C4orf36: variants seen among roughly 807,000 people sequenced by gnomAD.
C4orf36 encodes the protein uncharacterized protein C4orf36.
C4orf36 carries 11 observed loss-of-function variants against 12.2 expected under a neutral mutation model. The ratio of observed to expected loss-of-function variants is 0.90; its 90% confidence interval spans 0.57 to 1.49. The LOEUF (loss-of-function observed/expected upper bound fraction) is 1.49. Among genes scored for constraint, C4orf36 ranks in the 40% most tolerant of loss-of-function variants. The pLI, the probability that C4orf36 is intolerant of heterozygous loss-of-function variation, is 0.00. For synonymous variants in C4orf36, 54 were observed against 51.3 expected (o/e 1.05, Z -0.22); for missense variants, 137 against 133.9 (o/e 1.02, Z -0.11).
chr4:86,929,678 A>C, the C4orf36 span, among the ~76,000 whole-genome samples: 9,689 of 152,274 alleles, frequency 0.064, 421 homozygotes, highest in Non-Finnish European at 0.089. Flanking sequence ...CTCTGAGAAC[A>C]AGGTTATTCT....
chr4:86,891,516 G>A lies in C4orf36; in HGVS notation c.5C>T (p.Ala2Val), dbSNP rs569449132. The A allele has an allele frequency of 4.0e-5, 64 of 1,613,788 alleles. 1 individual carries two copies. The East Asian group carries it at 1.3e-3, about 32-fold the overall frequency. Residue 2 changes from alanine (A) to valine (V), a missense_variant, in exon 2 of 5, where the codon GCG becomes GTG. Ala to Val is a moderately conservative substitution (Grantham distance 64, BLOSUM62 0). Transcript: ENST00000295898. M[A>V]YGVPRKNTVK... ...TGTGTTCTTTCTTGGCACTCCATAC[G>A]CCATGGTGAGTTATTACGGTATGAT... is the stretch of plus-strand genomic sequence containing the variant.
chr4:86,887,919 T>G (rs754556415), intron 3 of C4orf36, 26 bp from the exon 4 acceptor site: 1 of 1,613,128 alleles, frequency 6.2e-7, no homozygotes, highest in African/African-American at 1.3e-5. Flanking sequence ...CACAAAACAA[T>G]CTGACATACA....
intron 4 of C4orf36, 56 bp downstream of exon 4, chr4:86,887,702 G>A: frequency 6.2e-7 from 1 of 1,605,536 alleles, no homozygotes; most frequent in Non-Finnish European, 8.5e-7. Context: ...AAGGTCCAGA[G>A]ACCTTCATGC....
the C4orf36 span, among the ~76,000 whole-genome samples, chr4:86,900,820 G>A: frequency 6.6e-6 from 1 of 152,102 alleles, no homozygotes; most frequent in Non-Finnish European, 1.5e-5. Flanking sequence ...AAACTGCCTG[G>A]GTTTGGATCC....
chr4:86,884,073 C>A (rs1291682676), intron 4 of C4orf36, among the ~76,000 whole-genome samples: 2 of 152,030 alleles, frequency 1.3e-5, no homozygotes, highest in African/African-American at 4.8e-5. Context: ...TCAAATGTAA[C>A]ATTAATATCC....
chr4:86,880,855 A>G (rs1450441453), intron 4 of C4orf36, among the ~76,000 whole-genome samples: 1 of 152,178 alleles, frequency 6.6e-6, no homozygotes, highest in Non-Finnish European at 1.5e-5. Flanking sequence ...AAGGCTGGTC[A>G]ACATGGCAAA....
chr4:86,928,974 A>G, the C4orf36 span, among the ~76,000 whole-genome samples: 6 of 151,772 alleles, frequency 4.0e-5, no homozygotes, highest in African/African-American at 1.5e-4. Flanking sequence ...CTCTGCCAGG[A>G]TGCCTTCCCC....
the C4orf36 span, chr4:86,914,186 C>T: frequency 6.3e-7 from 1 of 1,592,042 alleles, no homozygotes; most frequent in Non-Finnish European, 8.6e-7. Flanking sequence ...GGGACTACTT[C>T]ACAAAAGTAG....
the C4orf36 span, among the ~76,000 whole-genome samples, chr4:86,921,887 G>C: frequency 6.6e-6 from 1 of 152,090 alleles, no homozygotes; most frequent in Non-Finnish European, 1.5e-5. Context: ...CTTTCTGTCT[G>C]TATGAATCTG....
At chr4:86,911,598 C>T in the C4orf36 span, among the ~76,000 whole-genome samples, 2 of 152,172 alleles carry the variant, frequency 1.3e-5, no homozygotes, top group Admixed American at 6.5e-5. Flanking sequence ...CTGCAGCATG[C>T]CTTCCTGGTG....
At chr4:86,885,101 C>A (rs538339730) in intron 4 of C4orf36, among the ~76,000 whole-genome samples, 416 of 152,230 alleles carry the variant, frequency 2.7e-3, no homozygotes, top group Non-Finnish European at 4.8e-3. Context: ...GTTACTGTAG[C>A]CTTGTAGTAT....
chr4:86,887,850 T>A lies in C4orf36; in HGVS notation c.264A>T (p.Lys88Asn). Residue 88 changes from lysine to asparagine, a missense_variant, in exon 4 of 5, where the codon AAA becomes AAT. Coordinates refer to ENST00000295898, the MANE Select transcript of C4orf36 (RefSeq NM_144645.4). ...TAGATGTATTTTCTTGACACTTCAG[T>A]TTACAAAGACGCTTCACTTCATACT... ...EREYEVKRLC[K>N]LKCQENTSKE... 8 of 1,614,180 alleles carry A rather than the reference T, an allele frequency of 5.0e-6. No homozygotes were observed. Among genetic ancestry groups the A allele is most frequent in the South Asian group, 1.1e-5 (1 of 91,074 alleles).
At chr4:86,922,611 G>C in the C4orf36 span, among the ~76,000 whole-genome samples, 8 of 152,140 alleles carry the variant, frequency 5.3e-5, no homozygotes, top group Admixed American at 3.9e-4. Context: ...GCCCTTCCTA[G>C]ATCTCCTTGT....
At chr4:86,898,429 G>A in the C4orf36 span, among the ~76,000 whole-genome samples, 6 of 152,136 alleles carry the variant, frequency 3.9e-5, no homozygotes, top group East Asian at 1.2e-3. Context: ...CAGGTGCTGG[G>A]GCTCACACCT....
chr4:86,904,241 C>T, the C4orf36 span, among the ~76,000 whole-genome samples: 1 of 152,232 alleles, frequency 6.6e-6, no homozygotes, highest in Non-Finnish European at 1.5e-5. Context: ...CCGGAACCCG[C>T]GCCGGCTAGC....
chr4:86,883,340 A>T (rs1414039685), intron 4 of C4orf36, among the ~76,000 whole-genome samples: 1 of 152,238 alleles, frequency 6.6e-6, no homozygotes, highest in Admixed American at 6.5e-5. Flanking sequence ...AATTCAGGTC[A>T]GATAGTTTGG....
At chr4:86,889,351 CAAAAAAAA>C (rs11357505) in intron 2 of C4orf36, among the ~76,000 whole-genome samples, 22 of 118,278 alleles carry the variant, frequency 1.9e-4, no homozygotes, top group African/African-American at 7.0e-4. Flanking sequence ...AACTCCGTCT[CAAAAAAAA>C]AAAAAAAAAT....
chr4:86,890,420 T>C (rs1747360834), intron 2 of C4orf36, among the ~76,000 whole-genome samples: 1 of 151,900 alleles, frequency 6.6e-6, no homozygotes, highest in Admixed American at 6.6e-5. Flanking sequence ...AAAAGACATA[T>C]GTGTGTGTAT....
upstream of C4orf36, among the ~76,000 whole-genome samples, chr4:86,892,671 G>T (rs1747476344): frequency 6.6e-6 from 1 of 152,218 alleles, no homozygotes; most frequent in African/African-American, 2.4e-5. Flanking sequence ...TCGTTTGCGG[G>T]CGCCATTTAA....
Sources: allele counts gnomAD v4.1 joint callset (sites outside exome capture counted in the v4.1 genomes callset), GRCh38; gene constraint gnomAD v4.1.1; transcripts MANE v1.5; gene names NCBI Gene and HGNC (gene_info 2026-07-23, HGNC 2026-07-21).